The following IQCM variants were observed in gnomAD, a reference collection of about 807,000 sequenced individuals.
IQCM encodes IQ motif containing M, also known as IQ domain-containing protein M.
Under a neutral mutation model 57.6 loss-of-function variants are expected in IQCM, and 45 were observed. That is an observed-to-expected ratio of 0.78 (90% CI 0.62 to 1.00). The LOEUF (loss-of-function observed/expected upper bound fraction) is 1.00. IQCM is among the 50% of genes least tolerant of loss of function. The pLI, the probability that IQCM is intolerant of heterozygous loss-of-function variation, is 0.00. For synonymous variants in IQCM, 148 were observed against 158.9 expected (o/e 0.93, Z 0.51); for missense variants, 468 against 511.6 (o/e 0.91, Z 0.82).
At chr4:149,379,691 T>C (rs1055483786) in intron 13 of IQCM, among the ~76,000 whole-genome samples, 2 of 152,232 alleles carry the variant, frequency 1.3e-5, no homozygotes, top group African/African-American at 4.8e-5. Flanking sequence ...TTGCTTTGTC[T>C]TAGATAAGAC....
intron 8 of IQCM, among the ~76,000 whole-genome samples, chr4:149,593,119 C>T (rs1402752393): frequency 1.3e-5 from 2 of 151,964 alleles, no homozygotes; most frequent in African/African-American, 4.8e-5. Context: ...TGTTTGTGTC[C>T]TCTTTTATTT....
chr4:149,595,587 G>A (rs149778973), intron 8 of IQCM, among the ~76,000 whole-genome samples: 9 of 152,074 alleles, frequency 5.9e-5, no homozygotes, highest in East Asian at 3.9e-4. Context: ...TGTCCCTAGC[G>A]CCTTCTGTGA....
At chr4:149,483,217 A>T (rs1741105923) in intron 12 of IQCM, among the ~76,000 whole-genome samples, 1 of 151,710 alleles carries the variant, frequency 6.6e-6, no homozygotes, top group Non-Finnish European at 1.5e-5. Context: ...CTTTGCAAAA[A>T]AACTTTTTGT....
chr4:149,390,709 T>G (rs1001948506), intron 13 of IQCM, among the ~76,000 whole-genome samples: 1 of 151,934 alleles, frequency 6.6e-6, no homozygotes. Context: ...TAATATTGTA[T>G]AACGCATTAA....
chr4:149,443,719 GAA>G (rs1163310742), intron 12 of IQCM, among the ~76,000 whole-genome samples: 7 of 149,910 alleles, frequency 4.7e-5, no homozygotes, highest in African/African-American at 1.5e-4. Context: ...GAAAGGAAAG[GAA>G]AGGAAAGGAA....
At chr4:149,567,841 A>T (rs576626579) in intron 9 of IQCM, among the ~76,000 whole-genome samples, 1 of 152,226 alleles carries the variant, frequency 6.6e-6, no homozygotes, top group African/African-American at 2.4e-5. Flanking sequence ...TTATTTTTTT[A>T]AAGCTAAAGA....
chr4:149,485,297 C>A (rs571959710), intron 12 of IQCM, among the ~76,000 whole-genome samples: 2 of 152,130 alleles, frequency 1.3e-5, no homozygotes, highest in South Asian at 4.1e-4. Context: ...AATAAACTTT[C>A]TATTCCTATC....
chr4:149,718,310 C>T (rs1048776413), intron 5 of IQCM, among the ~76,000 whole-genome samples: 2 of 152,158 alleles, frequency 1.3e-5, no homozygotes, highest in Non-Finnish European at 2.9e-5. Context: ...CCCTCAAAAA[C>T]CCTGAAATAT....
intron 5 of IQCM, among the ~76,000 whole-genome samples, chr4:149,723,730 A>C (rs1477935663): frequency 6.6e-6 from 1 of 152,004 alleles, no homozygotes; most frequent in Non-Finnish European, 1.5e-5. Flanking sequence ...TTCATCAGAC[A>C]TATCAGTCTG....
At chr4:149,678,453 A>C (rs558763149) in intron 7 of IQCM, among the ~76,000 whole-genome samples, 359 of 151,956 alleles carry the variant, frequency 2.4e-3, no homozygotes, top group African/African-American at 8.3e-3. Flanking sequence ...TAATATAAAA[A>C]ACTGATAAAT....
chr4:149,622,850 C>T (rs1206067919), intron 7 of IQCM, among the ~76,000 whole-genome samples: 1 of 152,134 alleles, frequency 6.6e-6, no homozygotes, highest in Non-Finnish European at 1.5e-5. Flanking sequence ...CCATTACGTA[C>T]AATAAGCAAT....
At chr4:149,519,350 G>A (rs934288092) in intron 12 of IQCM, among the ~76,000 whole-genome samples, 3 of 152,136 alleles carry the variant, frequency 2.0e-5, no homozygotes, top group South Asian at 2.1e-4. Context: ...GGCCGGGCGC[G>A]GTGGCTCACG....
At chr4:149,713,054 T>C (rs1015233057) in intron 5 of IQCM, among the ~76,000 whole-genome samples, 2 of 151,396 alleles carry the variant, frequency 1.3e-5, no homozygotes, top group African/African-American at 2.4e-5. Context: ...TAGATGATAA[T>C]AGGATTTTCT....
At chr4:149,624,628 GT>G (rs780396885) in intron 7 of IQCM, among the ~76,000 whole-genome samples, 13 of 152,272 alleles carry the variant, frequency 8.5e-5, no homozygotes, top group Non-Finnish European at 1.8e-4. Flanking sequence ...TTCTTAGGTA[GT>G]TAAAACAATC....
intron 8 of IQCM, among the ~76,000 whole-genome samples, chr4:149,616,269 G>C (rs1047591592): frequency 7.2e-5 from 11 of 152,106 alleles, no homozygotes; most frequent in African/African-American, 2.2e-4. Context: ...TTCAGCCTAA[G>C]AAAGAAATTC....
intron 13 of IQCM, among the ~76,000 whole-genome samples, chr4:149,410,182 A>AAAACAAACAAAC (rs533165074): frequency 1.3e-5 from 2 of 152,034 alleles, no homozygotes; most frequent in South Asian, 2.1e-4. Flanking sequence ...GGCTCCATTT[A>AAAACAAACAAAC]AAACAAACAA....
chr4:149,437,516 C>T (rs907396690), intron 12 of IQCM, among the ~76,000 whole-genome samples: 7 of 151,952 alleles, frequency 4.6e-5, no homozygotes, highest in South Asian at 2.1e-4. Context: ...AAGTGAGGCT[C>T]GTTATGCTTA....
At chr4:149,398,984 C>A (rs1235536415) in intron 13 of IQCM, among the ~76,000 whole-genome samples, 2 of 152,068 alleles carry the variant, frequency 1.3e-5, no homozygotes, top group African/African-American at 4.8e-5. Context: ...ATCTTCCTGC[C>A]TCAGCCTCCC....
At chr4:149,715,125 T>C (rs1764879784) in intron 5 of IQCM, among the ~76,000 whole-genome samples, 1 of 152,192 alleles carries the variant, frequency 6.6e-6, no homozygotes, top group Admixed American at 6.5e-5. Flanking sequence ...CAGAAACCTC[T>C]GTGGCTGGTG....
Sources: allele counts gnomAD v4.1 joint callset (sites outside exome capture counted in the v4.1 genomes callset), GRCh38; gene constraint gnomAD v4.1.1; transcripts MANE v1.5; gene names NCBI Gene and HGNC (gene_info 2026-07-23, HGNC 2026-07-21).